TNFRSF8: variants seen among roughly 807,000 people sequenced by gnomAD.
TNFRSF8 encodes TNF receptor superfamily member 8.
A neutral mutation model predicts 70.8 loss-of-function variants in TNFRSF8; 26 were observed. The observed-to-expected ratio is 0.37, with a 90% CI of 0.27 to 0.51. The LOEUF (loss-of-function observed/expected upper bound fraction) is 0.51, where lower values mean the gene tolerates loss of function less well. TNFRSF8 is among the 20% of genes least tolerant of loss of function. The pLI is 0.94. For synonymous variants in TNFRSF8, 356 were observed against 339.2 expected, an observed-to-expected ratio of 1.05 and a Z score of -0.54; for missense variants, 720 against 807.9, an observed-to-expected ratio of 0.89 and a Z score of 1.32.
intron 2 of TNFRSF8, 142 bp from the exon 3 acceptor site, chr1:12,096,959 A>G (rs1641341395): frequency 1.6e-6 from 1 of 633,520 alleles, no homozygotes; most frequent in East Asian, 2.6e-5. Flanking sequence ...GCTTCCATCC[A>G]TAACACAAGA....
At position 12,112,230 on chromosome 1, in the gene TNFRSF8, A is replaced by G. The variant is rs577885071; in HGVS notation, c.793+216A>G. On this transcript the variant is annotated intron_variant, in intron 7 of 14. Transcript: ENST00000263932. The surrounding 1 kb of genome is among the most constrained non-coding windows in gnomAD (Gnocchi z 5.3). ...CATCAATGTTTGTAACTACTCTGTG[A>G]TTCAAGCATTGTGATCATTCCCCTT... 1.7e-4 allele frequency among the ~76,000 whole-genome samples: 26 copies of G among 152,268 alleles called. No individual in the cohort carries two copies. Among genetic ancestry groups the G allele is most frequent in the African/African-American group, 6.3e-4 (26 of 41,544 alleles).
chr1:12,106,374 C>T (rs1351046385), intron 4 of TNFRSF8, among the ~76,000 whole-genome samples: 1 of 152,196 alleles, frequency 6.6e-6, no homozygotes, highest in East Asian at 1.9e-4. Context: ...ACCCCACTTC[C>T]TCAAGAGGCC....
Position 12,142,711 on chromosome 1 carries a change from T to G in TNFRSF8, c.*180T>G. ...GTGGTCTCTGCTTGCATCCCCAACT[T>G]AGCTGTCCCCTGACCCAGAGCCTAG... On this transcript the variant is annotated 3_prime_UTR_variant, in exon 15 of 15. Coordinates refer to ENST00000263932, the MANE Select transcript of TNFRSF8 (RefSeq NM_001243.5). The surrounding 1 kb of genome is among the most constrained non-coding windows in gnomAD (Gnocchi z 5.0). 1.3e-6 allele frequency: 1 copy of G among 786,344 alleles called. No homozygotes were observed. The highest frequency in any genetic ancestry group is 2.0e-6 in the Non-Finnish European group (1 of 511,162). The allele number at this position is 786,344 out of a possible 1,614,324, so 48.7% of individuals were successfully genotyped here.
intron 1 of TNFRSF8, 38 bp from the exon 2 acceptor site, chr1:12,084,426 G>A (rs2100968031): frequency 6.3e-7 from 1 of 1,582,230 alleles, no homozygotes; most frequent in South Asian, 1.1e-5. Context: ...TGGATATCTG[G>A]GATCCACCTG....
intron 12 of TNFRSF8, among the ~76,000 whole-genome samples, chr1:12,128,016 C>G (rs564523728): frequency 6.6e-6 from 1 of 152,186 alleles, no homozygotes; most frequent in Non-Finnish European, 1.5e-5. Context: ...GAAAGTGAAG[C>G]CAAGACAGGC....
chr1:12,083,717 CAAAT>C (rs759593226), intron 1 of TNFRSF8, among the ~76,000 whole-genome samples: 51 of 152,058 alleles, frequency 3.4e-4, no homozygotes, highest in Non-Finnish European at 1.8e-4. Flanking sequence ...GTAGACTAGA[CAAAT>C]AAATTGTGCA....
intron 10 of TNFRSF8, among the ~76,000 whole-genome samples, chr1:12,124,945 T>C (rs1411770465): frequency 6.6e-6 from 1 of 152,064 alleles, no homozygotes; most frequent in Non-Finnish European, 1.5e-5. Context: ...GACTTGCAGT[T>C]CTAGTGGCTG....
At chr1:12,097,041 T>A (rs891145664) in intron 2 of TNFRSF8, 60 bp from the exon 3 acceptor site, 4 of 1,337,000 alleles carry the variant, frequency 3.0e-6, no homozygotes, top group African/African-American at 1.4e-5. Flanking sequence ...TGTGGGGCAT[T>A]GGGTCATAAG....
Position 12,113,417 on chromosome 1 carries a change from G to A in TNFRSF8, c.793+1403G>A, listed in dbSNP as rs1357941607. Reference sequence around the variant, plus strand: ...CCAAACTCCTGGCCTCAAGTGATCCGCCGGCCTTGGCCTCCCAAAGTGTTG... The same window carrying A: ...CCAAACTCCTGGCCTCAAGTGATCCACCGGCCTTGGCCTCCCAAAGTGTTG... On this transcript the variant is annotated intron_variant, in intron 7 of 14. Transcript: ENST00000263932. This position sits in a 1 kb window ranked among gnomAD's most constrained non-coding sequence, Gnocchi z 4.9. Among the ~76,000 whole-genome samples, 7 of 152,234 alleles carry A rather than the reference G, an allele frequency of 4.6e-5. No individual in the cohort carries two copies. The South Asian group carries it at 6.2e-4, about 14-fold the overall frequency.
intron 1 of TNFRSF8, among the ~76,000 whole-genome samples, chr1:12,079,205 A>T (rs140525876): frequency 5.7e-4 from 87 of 152,350 alleles, no homozygotes; most frequent in African/African-American, 2.0e-3. Context: ...TTGTAGGGAA[A>T]ACCAAACCAA....
At chr1:12,094,037 C>A (rs911006366) in intron 2 of TNFRSF8, among the ~76,000 whole-genome samples, 1 of 124,086 alleles carries the variant, frequency 8.1e-6, no homozygotes, top group Non-Finnish European at 1.6e-5. Context: ...CCAGCCTGAG[C>A]AACAGAGCAA....
intron 12 of TNFRSF8, 75 bp downstream of exon 12, chr1:12,126,311 T>A: frequency 6.4e-7 from 1 of 1,556,638 alleles, no homozygotes. Flanking sequence ...GGGCGTGGGC[T>A]CCAGAGACTG....
chr1:12,121,800 C>T (rs748179632), intron 8 of TNFRSF8, among the ~76,000 whole-genome samples: 9 of 152,210 alleles, frequency 5.9e-5, no homozygotes, highest in Non-Finnish European at 1.2e-4. Flanking sequence ...CTGCCTTGTT[C>T]GTCATAGTTC....
At chr1:12,077,307 C>A (rs564295621) in intron 1 of TNFRSF8, among the ~76,000 whole-genome samples, 2 of 152,214 alleles carry the variant, frequency 1.3e-5, no homozygotes, top group African/African-American at 2.4e-5. Flanking sequence ...AGGGCGGGCC[C>A]AATCTAATCA....
chr1:12,116,804 A>G (rs1016158174), intron 8 of TNFRSF8, among the ~76,000 whole-genome samples: 1 of 152,092 alleles, frequency 6.6e-6, no homozygotes, highest in African/African-American at 2.4e-5. Flanking sequence ...TGCCTAAAAA[A>G]GAAAAAAAAC....
rs182861176 is a variant in TNFRSF8 at position 12,093,329 on chromosome 1, C to T, written c.152-3772C>T. ...GGTGTTAGAGAAAAGATCAAGATAC[C>T]CAGACTGGCTGTAGTAGAGAGTGCA... On this transcript the variant is annotated intron_variant, in intron 2 of 14. Coordinates refer to ENST00000263932, the MANE Select transcript of TNFRSF8 (RefSeq NM_001243.5). Among the ~76,000 whole-genome samples, 266 of 152,114 alleles carry T rather than the reference C, an allele frequency of 1.7e-3. 2 individuals are homozygous for T. The highest frequency in any genetic ancestry group is 6.2e-3 in the African/African-American group (255 of 41,460).
At chr1:12,140,920 C>G (rs533660520) in intron 14 of TNFRSF8, among the ~76,000 whole-genome samples, 1 of 152,078 alleles carries the variant, frequency 6.6e-6, no homozygotes, top group South Asian at 2.1e-4. Context: ...TTGCCCAGCC[C>G]TCTATAGGGC....
At chr1:12,114,216 C>T (rs1228351358) in intron 7 of TNFRSF8, among the ~76,000 whole-genome samples, 4 of 152,172 alleles carry the variant, frequency 2.6e-5, no homozygotes, top group African/African-American at 9.7e-5. Context: ...GTTTCCTCTG[C>T]TGCAAAATGG....
rs150163132 is a variant in TNFRSF8 at position 12,092,232 on chromosome 1, G to A, written c.152-4869G>A. On this transcript the variant is annotated intron_variant, in intron 2 of 14. Coordinates refer to ENST00000263932, the MANE Select transcript of TNFRSF8 (RefSeq NM_001243.5). ...TTTGCTCTGTCACCCAGGCTGGAGT[G>A]CAGTGGCATGATCATAGCCCACTGC... 3.9e-5 allele frequency among the ~76,000 whole-genome samples: 6 copies of A among 152,268 alleles called. No homozygotes were observed. The East Asian group carries it at 1.2e-3, about 29-fold the overall frequency.
Sources: allele counts gnomAD v4.1 joint callset (sites outside exome capture counted in the v4.1 genomes callset), GRCh38; gene constraint gnomAD v4.1.1; non-coding constraint Gnocchi (gnomAD v3.1); transcripts MANE v1.5; gene names NCBI Gene and HGNC (gene_info 2026-07-23, HGNC 2026-07-21).